Variants in ARHGAP23 observed in about 807,000 individuals in gnomAD.
ARHGAP23 encodes the protein rho GTPase-activating protein 23.
In ARHGAP23, 34 loss-of-function variants were observed where a neutral mutation model predicts 136.3. The observed-to-expected ratio is 0.25, with a 90% CI of 0.19 to 0.33. ARHGAP23 has a LOEUF of 0.33. Ranked by LOEUF, ARHGAP23 falls within the 10% of genes least tolerant of loss-of-function variation. The pLI, the probability that ARHGAP23 is intolerant of heterozygous loss-of-function variation, is 1.00. For missense variants in ARHGAP23, 1,808 were observed against 2,139.0 expected, an observed-to-expected ratio of 0.85 and a Z score of 3.05; for synonymous variants, 832 against 920.5, an observed-to-expected ratio of 0.90 and a Z score of 1.74.
chr17:38,446,372 CATGT>C (rs1555578787), intron 1 of ARHGAP23, among the ~76,000 whole-genome samples: 4 of 151,982 alleles, frequency 2.6e-5, no homozygotes, highest in Non-Finnish European at 4.4e-5. Context: ...TTATTCATAT[CATGT>C]ATGTATTATA....
chr17:38,469,443 C>T (rs967625232), intron 8 of ARHGAP23, 81 bp from the exon 9 acceptor site: 3 of 1,473,122 alleles, frequency 2.0e-6, no homozygotes, highest in African/African-American at 2.8e-5. Flanking sequence ...ACCTCCTGCC[C>T]CTGCCCAGAA....
intron 22 of ARHGAP23, chr17:38,499,009 G>T (rs1567826737): frequency 1.4e-6 from 1 of 698,160 alleles, no homozygotes; most frequent in Non-Finnish European, 2.6e-6. Context: ...ATTATAAGAA[G>T]GCTGGGTGGG....
At chr17:38,503,039 T>G (rs1170247969) in intron 23 of ARHGAP23, among the ~76,000 whole-genome samples, 1 of 151,956 alleles carries the variant, frequency 6.6e-6, no homozygotes, top group African/African-American at 2.4e-5. Context: ...CAGAGCAAGA[T>G]CCTATCTCAA....
intron 20 of ARHGAP23, among the ~76,000 whole-genome samples, chr17:38,497,378 A>G (rs986009585): frequency 6.6e-6 from 1 of 152,224 alleles, no homozygotes; most frequent in African/African-American, 2.4e-5. Context: ...TGTCACAGCC[A>G]TGGACCTGGC....
chr17:38,457,295 CCTCTGGGCTGGG>C lies in ARHGAP23; in HGVS notation c.64-800_64-789del, dbSNP rs1323371736. ...AAGCCTTTCTGGTGAACCAGCCAGG[CCTCTGGGCTGGG>C]CTCTGGAGCCTCAGGAAGTCCCTTC... On this transcript the variant is annotated intron_variant, in intron 1 of 23. Coordinates refer to ENST00000622683, the MANE Select transcript of ARHGAP23 (RefSeq NM_001199417.2). The C allele has an allele frequency of 6.5e-5, 10 of 152,874 alleles. No homozygotes were observed. In the East Asian group the frequency reaches 1.9e-3, roughly 30 times the overall value. 9.5% of individuals were successfully genotyped at this position (152,874 alleles called of 1,614,324 possible).
chr17:38,491,495 C>T lies in ARHGAP23; in HGVS notation c.3239C>T (p.Pro1080Leu). 7 of 1,549,596 alleles carry T rather than the reference C, an allele frequency of 4.5e-6. No homozygotes were observed. The highest frequency in any genetic ancestry group is 6.1e-6 in the Non-Finnish European group (7 of 1,146,840). ...DNMTDMVTHMPDRYKIVETLI... is the reference protein window; with the variant it reads ...DNMTDMVTHMLDRYKIVETLI... ...ATGACAGACATGGTGACCCACATGC[C>T]TGACCGCTACAAGATCGTGGAGACA... Residue 1080 changes from proline (P) to leucine (L), a missense_variant, in exon 20 of 24, where the codon CCT becomes CTT. By Grantham distance (98) the Pro-to-Leu change is moderately conservative. This residue lies in a region of ARHGAP23 where 22 missense variants were observed against 67.5 expected (regional missense o/e 0.33). Transcript: ENST00000622683.
At chr17:38,503,351 G>C (rs1567829936) in intron 23 of ARHGAP23, among the ~76,000 whole-genome samples, 1 of 152,240 alleles carries the variant, frequency 6.6e-6, no homozygotes, top group Non-Finnish European at 1.5e-5. Flanking sequence ...GGGAAAGTCT[G>C]AGCAGAGTGA....
rs1423572349 is a variant in ARHGAP23 at position 38,486,087 on chromosome 17, G to A, written c.2933G>A (p.Ser978Asn). 1.3e-6 allele frequency: 2 copies of A among 1,551,406 alleles called. No individual in the cohort carries two copies. Among genetic ancestry groups the A allele is most frequent in the South Asian group, 1.2e-5 (1 of 84,050 alleles). ...DERWQDLNVI[S>N]SLLKSFFRKL... ...CGCTGGCAAGACCTCAATGTGATCAGCAGCCTGCTCAAGTCCTTCTTCCGA... is the reference window on the plus strand; with the variant it reads ...CGCTGGCAAGACCTCAATGTGATCAACAGCCTGCTCAAGTCCTTCTTCCGA... Residue 978 changes from serine (S) to asparagine (N), a missense_variant, in exon 17 of 24, where the codon AGC (serine) becomes AAC (asparagine). By Grantham distance (46) the Ser-to-Asn change is conservative (BLOSUM62 1). Transcript: ENST00000622683.
At chr17:38,485,630 G>A (rs1365607045) in intron 16 of ARHGAP23, among the ~76,000 whole-genome samples, 1 of 152,186 alleles carries the variant, frequency 6.6e-6, no homozygotes, top group Admixed American at 6.5e-5. Context: ...TTTTAGGCGG[G>A]GATGAGGAGC....
chr17:38,492,651 A>C (rs532090091), intron 20 of ARHGAP23, among the ~76,000 whole-genome samples: 1 of 152,336 alleles, frequency 6.6e-6, no homozygotes, highest in African/African-American at 2.4e-5. Context: ...GGTGGTGAGC[A>C]GCTGAGCCAT....
intron 23 of ARHGAP23, among the ~76,000 whole-genome samples, chr17:38,506,596 G>A (rs2040638794): frequency 6.6e-6 from 1 of 152,176 alleles, no homozygotes; most frequent in South Asian, 2.1e-4. Context: ...CTTGTAGATG[G>A]TAGATGGCCA....
intron 1 of ARHGAP23, among the ~76,000 whole-genome samples, chr17:38,445,205 G>A (rs1477718340): frequency 1.3e-5 from 2 of 150,302 alleles, no homozygotes; most frequent in African/African-American, 2.4e-5. Flanking sequence ...TGTGGCTCAC[G>A]CCTGTAATCC....
chr17:38,429,784 A>G (rs2038646395), intron 1 of ARHGAP23, among the ~76,000 whole-genome samples: 1 of 151,988 alleles, frequency 6.6e-6, no homozygotes, highest in Non-Finnish European at 1.5e-5. Context: ...CACATACTTC[A>G]TCTCTATCCC....
rs1382995472 is a variant in ARHGAP23, at chr17:38,458,276, C to G, written c.225+13C>G. Reference sequence around the variant, plus strand: ...CTGCAGCCTGAAGGTATGCCCGGCTCGCCGCTGCCCTGGTCTGGGGAAGCT... The same window carrying G: ...CTGCAGCCTGAAGGTATGCCCGGCTGGCCGCTGCCCTGGTCTGGGGAAGCT... On this transcript the variant is annotated intron_variant, in intron 2 of 23. Transcript: ENST00000622683. 1.3e-6 allele frequency: 2 copies of G among 1,501,086 alleles called. No homozygotes were observed. Among genetic ancestry groups the G allele is most frequent in the Non-Finnish European group, 1.8e-6 (2 of 1,126,986 alleles). The allele number at this position is 1,501,086 out of a possible 1,614,324, so 93.0% of individuals were successfully genotyped here. A position where few individuals can be genotyped will look rare whatever the true frequency, so the allele number is the denominator to read the frequency against.
In ARHGAP23 at chr17:38,497,125, A is replaced by AT. The variant is rs956565045; in HGVS notation, c.3277-650dup. Among the ~76,000 whole-genome samples, 315 of 150,656 alleles carry AT rather than the reference A, an allele frequency of 2.1e-3. 1 individual carries two copies. Among genetic ancestry groups the AT allele is most frequent in the African/African-American group, 4.7e-3 (195 of 41,190 alleles). ...ACGTGTTCATTTATAAGCAATCTGGATTTTTTTTTTCAGAAAACTTAGAAT... is the reference window on the plus strand; with the variant it reads ...ACGTGTTCATTTATAAGCAATCTGGATTTTTTTTTTTCAGAAAACTTAGAAT... On this transcript the variant is annotated intron_variant, in intron 20 of 23. Transcript: ENST00000622683.
rs138638691 is a variant in ARHGAP23 at position 38,494,001 on chromosome 17, A to C, written c.3276+2469A>C. On this transcript the variant is annotated intron_variant, in intron 20 of 23. Coordinates refer to ENST00000622683, the MANE Select transcript of ARHGAP23 (RefSeq NM_001199417.2). ...ACTAGTGAGCGCTGGGGTCCAGATA[A>C]GTCTTTCTTGTGGGAGGCTGTTCTG... 1.1e-3 allele frequency among the ~76,000 whole-genome samples: 164 copies of C among 148,266 alleles called. 1 individual carries two copies. The highest frequency in any genetic ancestry group is 3.8e-3 in the African/African-American group (158 of 41,504).
intron 23 of ARHGAP23, among the ~76,000 whole-genome samples, chr17:38,508,757 C>T (rs1379329625): frequency 6.6e-6 from 1 of 151,954 alleles, no homozygotes; most frequent in African/African-American, 2.4e-5. Context: ...CACAAGACCG[C>T]CCTAAGGTGA....
At position 38,467,034 on chromosome 17, in the gene ARHGAP23, C is replaced by G. The variant is rs2039622660; in HGVS notation, c.1351C>G (p.Leu451Val). The G allele has an allele frequency of 6.4e-7, 1 of 1,550,804 alleles. No homozygotes were observed. The highest frequency in any genetic ancestry group is 8.7e-7 in the Non-Finnish European group (1 of 1,146,970). ...SPFGGLPTFN[L>V]AQSPASFPPE... Reference sequence around the variant, plus strand: ...CTTTGGGGGGCTGCCTACCTTCAACCTGGCCCAGTCCCCTGCGTCATTCCC... The same window carrying G: ...CTTTGGGGGGCTGCCTACCTTCAACGTGGCCCAGTCCCCTGCGTCATTCCC... Residue 451 changes from leucine to valine, a missense_variant, in exon 7 of 24, where the codon CTG becomes GTG. By Grantham distance (32) the Leu-to-Val change is conservative. Transcript: ENST00000622683.
intron 1 of ARHGAP23, among the ~76,000 whole-genome samples, chr17:38,438,191 TGCGCCTTTAGTCCCA>T (rs1016150470): frequency 1.3e-5 from 2 of 151,630 alleles, no homozygotes; most frequent in African/African-American, 4.9e-5. Context: ...CGTGGTGGCA[TGCGCCTTTAGTCCCA>T]GCTACTTGGG....
Sources: gnomAD v4.1 joint callset for allele counts (sites outside exome capture counted in the v4.1 genomes callset) on GRCh38, gnomAD v4.1.1 for gene constraint, gnomAD v4.1.1 regional missense constraint, MANE v1.5 for transcripts, NCBI Gene and HGNC (gene_info 2026-07-23, HGNC 2026-07-21) for gene names.